Variants in PDSS2 observed in about 807,000 individuals in gnomAD.
The protein encoded by PDSS2 is decaprenyl diphosphate synthase subunit 2, also known as all trans-polyprenyl-diphosphate synthase PDSS2.
In PDSS2, 31 loss-of-function variants were observed where a neutral mutation model predicts 44.5. The observed-to-expected ratio is 0.70, with a 90% CI of 0.52 to 0.94. The LOEUF (loss-of-function observed/expected upper bound fraction) is 0.94, where lower values mean the gene tolerates loss of function less well. PDSS2 is among the 40% of genes least tolerant of loss of function. The pLI is 0.00. For missense variants in PDSS2, 452 were observed against 482.2 expected, an observed-to-expected ratio of 0.94 and a Z score of 0.59; for synonymous variants, 157 against 180.3, an observed-to-expected ratio of 0.87 and a Z score of 1.03.
At chr6:107,270,487 C>T (rs1459791615) in intron 3 of PDSS2, among the ~76,000 whole-genome samples, 1 of 152,080 alleles carries the variant, frequency 6.6e-6, no homozygotes, top group Non-Finnish European at 1.5e-5. Flanking sequence ...GTTACAACTC[C>T]CAAATCATAT....
intron 1 of PDSS2, among the ~76,000 whole-genome samples, chr6:107,450,855 G>A (rs1486389348): frequency 2.0e-5 from 3 of 152,186 alleles, no homozygotes; most frequent in African/African-American, 7.2e-5. Context: ...GATTGAGACA[G>A]GGACTGACTC....
intron 3 of PDSS2, among the ~76,000 whole-genome samples, chr6:107,272,450 A>C (rs1421304933): frequency 6.6e-6 from 1 of 152,120 alleles, no homozygotes; most frequent in African/African-American, 2.4e-5. Context: ...GCCTCGGGCC[A>C]TGATGTGGTA....
At chr6:107,186,396 T>G (rs1772165433) in intron 7 of PDSS2, among the ~76,000 whole-genome samples, 1 of 152,160 alleles carries the variant, frequency 6.6e-6, no homozygotes, top group Non-Finnish European at 1.5e-5. Flanking sequence ...CACTCTCCCC[T>G]ACTACCTCAC....
intron 1 of PDSS2, among the ~76,000 whole-genome samples, chr6:107,411,879 CTTTTT>C (rs145161415): frequency 1.3e-3 from 121 of 93,862 alleles, no homozygotes; most frequent in Admixed American, 2.1e-3. Flanking sequence ...TCTTCTTCTT[CTTTTT>C]TTTTTTTTTT....
At position 107,423,392 on chromosome 6, in the gene PDSS2, T is replaced by G. The variant is rs80202433; in HGVS notation, c.296+35598A>C. Among the ~76,000 whole-genome samples the G allele has an allele frequency of 9.0e-3, 1,371 of 152,276 alleles. 49 individuals carry two copies. The East Asian group carries it at 0.12, about 13-fold the overall frequency. Reference sequence around the variant, plus strand: ...GAGGATAAGGAAGGAGGACAGCATATAGGAAATAATTTCCTTTTTACATTG... The same window carrying G: ...GAGGATAAGGAAGGAGGACAGCATAGAGGAAATAATTTCCTTTTTACATTG... On this transcript the variant is annotated intron_variant, in intron 1 of 7. Coordinates refer to ENST00000369037, the MANE Select transcript of PDSS2 (RefSeq NM_020381.4).
intron 3 of PDSS2, among the ~76,000 whole-genome samples, chr6:107,272,148 C>A (rs760070723): frequency 6.6e-6 from 1 of 150,446 alleles, no homozygotes; most frequent in Admixed American, 6.6e-5. Context: ...TCTCAGAATA[C>A]TATTACATTA....
At chr6:107,267,290 G>T (rs1391066131) in intron 3 of PDSS2, among the ~76,000 whole-genome samples, 3 of 152,162 alleles carry the variant, frequency 2.0e-5, no homozygotes, top group Non-Finnish European at 4.4e-5. Context: ...GCTAGAGCTG[G>T]TCATGTGCAG....
intron 7 of PDSS2, among the ~76,000 whole-genome samples, chr6:107,158,547 A>G (rs1770997789): frequency 6.6e-6 from 1 of 152,086 alleles, no homozygotes; most frequent in African/African-American, 2.4e-5. Context: ...TCAGATTCTC[A>G]GCACTTCACA....
At chr6:107,360,270 A>G (rs1213444895) in intron 1 of PDSS2, among the ~76,000 whole-genome samples, 2 of 152,174 alleles carry the variant, frequency 1.3e-5, no homozygotes, top group Admixed American at 1.3e-4. Context: ...CCTCTGTCTC[A>G]TGCATCTTCC....
intron 1 of PDSS2, among the ~76,000 whole-genome samples, chr6:107,426,895 A>G (rs188466407): frequency 6.6e-6 from 1 of 152,220 alleles, no homozygotes; most frequent in East Asian, 1.9e-4. Flanking sequence ...TTTTGATTTT[A>G]CAGGTTCATA....
intron 4 of PDSS2, among the ~76,000 whole-genome samples, chr6:107,231,060 A>AT (rs557808191): frequency 2.4e-3 from 367 of 152,132 alleles, no homozygotes; most frequent in Non-Finnish European, 4.2e-3. Context: ...ATTAAAAAAA[A>AT]TTTTTTTAAA....
intron 3 of PDSS2, among the ~76,000 whole-genome samples, chr6:107,254,267 C>T (rs113962482): frequency 7.0e-4 from 106 of 151,928 alleles, no homozygotes; most frequent in African/African-American, 2.1e-3. Context: ...CACCTGACCT[C>T]GTGATCTGCC....
intron 1 of PDSS2, among the ~76,000 whole-genome samples, chr6:107,395,241 C>T (rs868292840): frequency 6.6e-6 from 1 of 152,000 alleles, no homozygotes. Context: ...TTATTTTCAG[C>T]AATTTGATTA....
chr6:107,155,931 C>T (rs1770877079), intron 7 of PDSS2, among the ~76,000 whole-genome samples: 1 of 128,140 alleles, frequency 7.8e-6, no homozygotes, highest in Non-Finnish European at 1.6e-5. Flanking sequence ...GCTCTGTCAT[C>T]CAGGCTGGAG....
Position 107,274,184 on chromosome 6 carries a change from G to A in PDSS2, c.475C>T (p.Leu159Phe), listed in dbSNP as rs1398339031. The A allele has an allele frequency of 1.9e-6, 3 of 1,613,840 alleles. No individual in the cohort carries two copies. Among genetic ancestry groups the A allele is most frequent in the African/African-American group, 1.3e-5 (1 of 74,930 alleles). The stretch of plus-strand genomic sequence containing the variant: ...TTTACTATCCCACGATGTACAAGGA[G>A]AGCAATATGAATTAGCTCCGTGATC... The part of the protein sequence containing the change: ...AEITELIHIA[L>F]LVHRGIVNLN... Residue 159 changes from leucine (L) to phenylalanine (F), a missense_variant, in exon 3 of 8, where the codon CTC (leucine) becomes TTC (phenylalanine). Coordinates refer to ENST00000369037, the MANE Select transcript of PDSS2 (RefSeq NM_020381.4).
intron 1 of PDSS2, among the ~76,000 whole-genome samples, chr6:107,347,256 CTTTTTTTTTTTTT>C (rs35184119): frequency 3.3e-5 from 3 of 90,008 alleles, no homozygotes; most frequent in South Asian, 4.9e-4. Context: ...ATTATATCTT[CTTTTTTTTTTTTT>C]TTTTTTTTTT....
chr6:107,428,526 A>G (rs139654993), intron 1 of PDSS2, among the ~76,000 whole-genome samples: 11 of 152,330 alleles, frequency 7.2e-5, no homozygotes, highest in African/African-American at 2.6e-4. Flanking sequence ...TGGGCAACAG[A>G]AACATAAAAG....
At chr6:107,396,185 A>G (rs1217148482) in intron 1 of PDSS2, among the ~76,000 whole-genome samples, 1 of 152,158 alleles carries the variant, frequency 6.6e-6, no homozygotes, top group African/African-American at 2.4e-5. Flanking sequence ...CATATATAGG[A>G]CTCAAAGGGA....
At chr6:107,447,227 T>C (rs928946002) in intron 1 of PDSS2, among the ~76,000 whole-genome samples, 1 of 151,996 alleles carries the variant, frequency 6.6e-6, no homozygotes, top group Non-Finnish European at 1.5e-5. Context: ...TCCCAGCTAC[T>C]CAGGAGGCTG....
Sources: gnomAD v4.1 joint callset for allele counts (sites outside exome capture counted in the v4.1 genomes callset) on GRCh38, gnomAD v4.1.1 for gene constraint, MANE v1.5 for transcripts, NCBI Gene and HGNC (gene_info 2026-07-23, HGNC 2026-07-21) for gene names.